Variants in MITF observed in about 807,000 individuals in gnomAD.
MITF encodes melanocyte inducing transcription factor.
A neutral mutation model predicts 60.5 loss-of-function variants in MITF; 17 were observed. The observed-to-expected ratio is 0.28, with a 90% CI of 0.19 to 0.42. MITF has a LOEUF of 0.42. Ranked by LOEUF, MITF falls within the 10% of genes least tolerant of loss-of-function variation. The pLI is 1.00. For missense variants in MITF, 622 were observed against 683.5 expected (o/e 0.91, Z 1.00); for synonymous variants, 260 against 248.5 (o/e 1.05, Z -0.43).
chr3:69,872,024 G>C (rs1288774430), intron 1 of MITF, among the ~76,000 whole-genome samples: 1 of 152,186 alleles, frequency 6.6e-6, no homozygotes, highest in Non-Finnish European at 1.5e-5. Context: ...AAGAATTCTA[G>C]AGTACAGTCT....
chr3:69,740,213 T>C lies in MITF; in HGVS notation c.104+512T>C, dbSNP rs146210771. Among the ~76,000 whole-genome samples the C allele has an allele frequency of 6.2e-3, 942 of 152,140 alleles. 10 individuals carry two copies. The highest frequency in any genetic ancestry group is 0.01 in the Non-Finnish European group (691 of 67,982). ...TCACCTCTTGGGAGTCCGGTCTCTG[T>C]GGGGAAACTAGCCTCTGGGCTCCTG... On this transcript the variant is annotated intron_variant, in intron 1 of 9. Transcript: ENST00000352241.
chr3:69,812,406 A>G lies in MITF; in HGVS notation c.105-66728A>G, dbSNP rs532408119. 5.3e-5 allele frequency among the ~76,000 whole-genome samples: 8 copies of G among 152,296 alleles called. No homozygotes were observed. The East Asian group carries it at 1.4e-3, about 26-fold the overall frequency. On this transcript the variant is annotated intron_variant, in intron 1 of 9. Coordinates refer to ENST00000352241, the MANE Select transcript of MITF (RefSeq NM_001354604.2). ...AGACATTTAGACAATGTGAGATTTG[A>G]GTTGTTTGCTTTCAGAGACAGAGCT...
In MITF at chr3:69,938,526, A is replaced by G. The variant is rs1452591295; in HGVS notation, c.582+477A>G. ...GAAAGAATGGAATATGCATGGATGG[A>G]TTTGAATCATATAGCACATGAGACT... On this transcript the variant is annotated intron_variant, in intron 3 of 9. Transcript: ENST00000352241. 2.8e-6 allele frequency: 4 copies of G among 1,444,814 alleles called. No individual in the cohort carries two copies. In the East Asian group the frequency reaches 1.0e-4, roughly 36 times the overall value. The allele number at this position is 1,444,814 out of a possible 1,614,324, so 89.5% of individuals were successfully genotyped here.
intron 1 of MITF, among the ~76,000 whole-genome samples, chr3:69,870,216 T>C (rs1202550987): frequency 6.7e-6 from 1 of 149,214 alleles, no homozygotes; most frequent in Non-Finnish European, 1.5e-5. Flanking sequence ...TAAGAATGTT[T>C]TGAAAGTGCC....
chr3:69,950,410 G>A (rs917938658), intron 6 of MITF, among the ~76,000 whole-genome samples: 7 of 147,780 alleles, frequency 4.7e-5, no homozygotes, highest in African/African-American at 1.7e-4. Context: ...AAAATGATTT[G>A]AACTGACCAT....
intron 1 of MITF, among the ~76,000 whole-genome samples, chr3:69,745,178 G>A (rs1003981168): frequency 6.6e-6 from 1 of 152,122 alleles, no homozygotes; most frequent in Non-Finnish European, 1.5e-5. Flanking sequence ...TCAACCTTGG[G>A]TGTATGTAAT....
At chr3:69,851,496 G>A (rs547873905) in intron 1 of MITF, among the ~76,000 whole-genome samples, 15 of 152,254 alleles carry the variant, frequency 9.9e-5, no homozygotes, top group Non-Finnish European at 1.9e-4. Flanking sequence ...ACAAGCTACC[G>A]ATACCTGTAG....
At chr3:69,867,578 A>G (rs1419899737) in intron 1 of MITF, among the ~76,000 whole-genome samples, 1 of 152,170 alleles carries the variant, frequency 6.6e-6, no homozygotes, top group Admixed American at 6.5e-5. Flanking sequence ...ATATATAATT[A>G]TGTGTTTAAA....
In MITF at chr3:69,965,009, C is replaced by G. The variant is rs770964270; in HGVS notation, c.1342C>G (p.Leu448Val). 3.1e-6 allele frequency: 5 copies of G among 1,614,130 alleles called. No individual in the cohort carries two copies. In the East Asian group the frequency reaches 1.1e-4, roughly 36 times the overall value. ...TGCAGACCTAACCTGTACAACAACT[C>G]TCGATCTCACGGATGGCACCATCAC... ...HHADLTCTTT[L>V]DLTDGTITFN... The change falls in exon 10 of 10, where the codon CTC becomes GTC. Residue 448 changes from leucine (L) to valine (V), a missense_variant. Physicochemically the swap from Leu to Val is conservative, Grantham distance 32. This residue lies in a region of MITF where 224 missense variants were observed against 209.5 expected (regional missense o/e 1.07). Transcript: ENST00000352241.
chr3:69,936,912 A>G (rs1485452366), intron 2 of MITF: 7 of 646,158 alleles, frequency 1.1e-5, no homozygotes, highest in Admixed American at 3.0e-5. Flanking sequence ...AAGTAATTCA[A>G]TGTAGTTTTG....
At chr3:69,759,346 C>T (rs943570515) in intron 1 of MITF, among the ~76,000 whole-genome samples, 1 of 152,148 alleles carries the variant, frequency 6.6e-6, no homozygotes, top group African/African-American at 2.4e-5. Flanking sequence ...GAGTCACCAA[C>T]AAAAACACAC....
intron 8 of MITF, 100 bp downstream of exon 8, chr3:69,956,630 A>T (rs1298136072): frequency 2.6e-5 from 24 of 921,334 alleles, no homozygotes; most frequent in African/African-American, 4.9e-5. Context: ...AAAGTAAAGA[A>T]GTCTCCCCTC....
At chr3:69,929,477 C>T (rs753765366) in intron 2 of MITF, among the ~76,000 whole-genome samples, 14 of 152,108 alleles carry the variant, frequency 9.2e-5, no homozygotes, top group Non-Finnish European at 1.3e-4. Flanking sequence ...TTTCTGAACA[C>T]CATACCCAGA....
chr3:69,957,894 T>C (rs2066439501), intron 8 of MITF, among the ~76,000 whole-genome samples: 1 of 152,226 alleles, frequency 6.6e-6, no homozygotes, highest in Non-Finnish European at 1.5e-5. Context: ...ACCAGGTTTC[T>C]AGAATGTGCC....
chr3:69,754,808 G>A (rs1275835084), intron 1 of MITF, among the ~76,000 whole-genome samples: 5 of 152,034 alleles, frequency 3.3e-5, no homozygotes, highest in African/African-American at 9.7e-5. Flanking sequence ...CTGGCTTTTA[G>A]TTCCCTCGTT....
intron 2 of MITF, among the ~76,000 whole-genome samples, chr3:69,901,893 A>T (rs1213369045): frequency 6.6e-6 from 1 of 152,086 alleles, no homozygotes; most frequent in Non-Finnish European, 1.5e-5. Context: ...AGCATGTGTC[A>T]CCCTTGCAAT....
chr3:69,869,853 A>G (rs2064190190), intron 1 of MITF, among the ~76,000 whole-genome samples: 1 of 152,070 alleles, frequency 6.6e-6, no homozygotes, highest in South Asian at 2.1e-4. Flanking sequence ...GGTCGTATGA[A>G]GCTCCTCCTG....
chr3:69,945,429 AG>A (rs2066071412), intron 5 of MITF, among the ~76,000 whole-genome samples: 1 of 152,220 alleles, frequency 6.6e-6, no homozygotes, highest in African/African-American at 2.4e-5. Context: ...ACATGTTAAT[AG>A]AAGAAGTCTC....
intron 6 of MITF, among the ~76,000 whole-genome samples, chr3:69,951,307 T>C (rs1401469404): frequency 6.6e-6 from 1 of 151,986 alleles, no homozygotes. Context: ...CTTGAACTCC[T>C]GGGCTCAAGT....
Sources: gnomAD v4.1 joint callset for allele counts (sites outside exome capture counted in the v4.1 genomes callset) on GRCh38, gnomAD v4.1.1 for gene constraint, gnomAD v4.1.1 regional missense constraint, MANE v1.5 for transcripts, NCBI Gene and HGNC (gene_info 2026-07-23, HGNC 2026-07-21) for gene names.